Variants in PIBF1 observed in about 807,000 individuals in gnomAD.
The protein encoded by PIBF1 is progesterone-induced-blocking factor 1.
A neutral mutation model predicts 112.5 loss-of-function variants in PIBF1; 90 were observed. The observed-to-expected ratio is 0.80, with a 90% CI of 0.67 to 0.95. The LOEUF (loss-of-function observed/expected upper bound fraction) is 0.95, where lower values mean the gene tolerates loss of function less well. Ranked by LOEUF, PIBF1 falls within the 40% of genes least tolerant of loss-of-function variation. The probability of loss-of-function intolerance (pLI) is 0.00; values close to 1 mark genes in which losing one functional copy is unlikely to be tolerated. For missense variants in PIBF1, 915 were observed against 852.3 expected (o/e 1.07, Z -0.92); for synonymous variants, 301 against 288.6 (o/e 1.04, Z -0.44).
intron 14 of PIBF1, among the ~76,000 whole-genome samples, chr13:72,947,440 A>G (rs1421540487): frequency 1.3e-5 from 2 of 152,196 alleles, no homozygotes; most frequent in Admixed American, 6.5e-5. Flanking sequence ...GGTCTCTGAC[A>G]TACCCTGGAG....
intron 14 of PIBF1, among the ~76,000 whole-genome samples, chr13:72,957,799 CT>C (rs1162079078): frequency 2.0e-5 from 3 of 151,558 alleles, no homozygotes; most frequent in African/African-American, 7.3e-5. Flanking sequence ...AACTACAAAA[CT>C]TAGCTGAATG....
chr13:72,904,896 T>A (rs2138636952), intron 11 of PIBF1, among the ~76,000 whole-genome samples: 1 of 152,106 alleles, frequency 6.6e-6, no homozygotes, highest in African/African-American at 2.4e-5. Flanking sequence ...TTTGAAGAAA[T>A]ACACCATAAA....
In PIBF1 at chr13:72,835,240, C is replaced by T; in HGVS notation, c.1098-3C>T. 6.4e-7 allele frequency: 1 copy of T among 1,553,660 alleles called. No homozygotes were observed. The highest frequency in any genetic ancestry group is 8.6e-7 in the Non-Finnish European group (1 of 1,157,334). ...TATGGTTGTTCCTTTTCACTCCTTG[C>T]AGAGACCATTATAAAACAGAATATG... is the stretch of plus-strand genomic sequence containing the variant. On this transcript the variant is annotated splice_region_variant and splice_polypyrimidine_tract_variant and intron_variant, in intron 8 of 17. Transcript: ENST00000326291.
At position 72,967,981 on chromosome 13, in the gene PIBF1, C is replaced by T. The variant is rs866980554; in HGVS notation, c.1964+2577C>T. ...CGGGCGGATCACGAGGTCAGGAGATCGAGACCATCCTGGCTAACACGGTGA... is the reference window on the plus strand; with the variant it reads ...CGGGCGGATCACGAGGTCAGGAGATTGAGACCATCCTGGCTAACACGGTGA... On this transcript the variant is annotated intron_variant, in intron 15 of 17. Transcript: ENST00000326291. Among the ~76,000 whole-genome samples the T allele has an allele frequency of 2.0e-5, 3 of 151,928 alleles. No homozygotes were observed. The South Asian group carries it at 6.2e-4, about 32-fold the overall frequency.
chr13:72,792,416 TC>T, intron 2 of PIBF1, 30 bp from the exon 3 acceptor site: 1 of 1,264,634 alleles, frequency 7.9e-7, no homozygotes. Flanking sequence ...TTATGACAAA[TC>T]ATATAATTTA....
chr13:72,840,483 T>G (rs2037558839), intron 9 of PIBF1, among the ~76,000 whole-genome samples: 1 of 151,972 alleles, frequency 6.6e-6, no homozygotes, highest in Non-Finnish European at 1.5e-5. Context: ...TACTTACACT[T>G]GCATATTTAT....
chr13:72,786,040 C>T (rs763904246), intron 2 of PIBF1, among the ~76,000 whole-genome samples: 3 of 152,052 alleles, frequency 2.0e-5, no homozygotes, highest in Non-Finnish European at 2.9e-5. Flanking sequence ...GTTTTTATTC[C>T]GTGATTTCCT....
intron 5 of PIBF1, among the ~76,000 whole-genome samples, chr13:72,815,148 A>G (rs1415382432): frequency 6.6e-6 from 1 of 152,244 alleles, no homozygotes; most frequent in African/African-American, 2.4e-5. Context: ...TAAAACATTT[A>G]GGCCAATTTT....
intron 4 of PIBF1, among the ~76,000 whole-genome samples, chr13:72,796,150 G>C (rs1436763941): frequency 2.0e-5 from 3 of 152,066 alleles, no homozygotes; most frequent in Non-Finnish European, 4.4e-5. Context: ...ACAAGAATAA[G>C]CACACAATTC....
At chr13:72,909,332 G>A (rs1424027925) in intron 12 of PIBF1, among the ~76,000 whole-genome samples, 1 of 152,014 alleles carries the variant, frequency 6.6e-6, no homozygotes, top group Non-Finnish European at 1.5e-5. Flanking sequence ...ACTGAGAGAG[G>A]TGAACATAAT....
At chr13:72,901,028 A>G (rs1361465114) in intron 11 of PIBF1, 3 of 432,356 alleles carry the variant, frequency 6.9e-6, no homozygotes, top group Non-Finnish European at 1.4e-5. Flanking sequence ...GTCTCAAAAC[A>G]AAAAGCAAAA....
intron 9 of PIBF1, among the ~76,000 whole-genome samples, chr13:72,841,332 A>G (rs1428057423): frequency 1.3e-5 from 2 of 152,166 alleles, no homozygotes; most frequent in Non-Finnish European, 2.9e-5. Context: ...CCTCTTATGC[A>G]TTTGGAAATA....
intron 2 of PIBF1, among the ~76,000 whole-genome samples, chr13:72,786,583 A>C (rs191040880): frequency 3.9e-5 from 6 of 152,282 alleles, no homozygotes; most frequent in Admixed American, 3.3e-4. Flanking sequence ...TGCGTCTACC[A>C]GTCTTTCTAC....
At chr13:72,862,775 A>G (rs1470908345) in intron 10 of PIBF1, among the ~76,000 whole-genome samples, 4 of 152,194 alleles carry the variant, frequency 2.6e-5, no homozygotes, top group Non-Finnish European at 4.4e-5. Flanking sequence ...TGAAAAACCT[A>G]CTGGAAATTG....
At chr13:72,996,268 TAAAAA>T (rs374718365) in intron 16 of PIBF1, among the ~76,000 whole-genome samples, 41 of 130,888 alleles carry the variant, frequency 3.1e-4, no homozygotes, top group African/African-American at 1.1e-3. Flanking sequence ...TTCAATATAT[TAAAAA>T]AAAAAAAAAA....
intron 17 of PIBF1, among the ~76,000 whole-genome samples, chr13:73,012,481 T>C (rs941214218): frequency 2.0e-5 from 3 of 151,962 alleles, no homozygotes; most frequent in Non-Finnish European, 4.4e-5. Context: ...ATCCCAGCAC[T>C]TTGGGAGTGT....
In PIBF1 at chr13:72,971,185, A is replaced by AGTGTGTGT. The variant is rs771878197; in HGVS notation, c.1965-2393_1965-2386dup. On this transcript the variant is annotated intron_variant, in intron 15 of 17. Coordinates refer to ENST00000326291, the MANE Select transcript of PIBF1 (RefSeq NM_006346.4). ...CAGTTGGTATTTGAAACAGAGAGTG[A>AGTGTGTGT]GTGTGTGTGTGTGTGTGTGTATGTG... 6.7e-3 allele frequency among the ~76,000 whole-genome samples: 810 copies of AGTGTGTGT among 120,080 alleles called. 6 individuals are homozygous for AGTGTGTGT. Among genetic ancestry groups the AGTGTGTGT allele is most frequent in the Middle Eastern group, 0.031 (7 of 224 alleles). 78.8% of individuals were successfully genotyped at this position (120,080 alleles called of 152,430 possible).
chr13:72,846,532 A>C lies in PIBF1; in HGVS notation c.1224-7525A>C, dbSNP rs2037887463. On this transcript the variant is annotated intron_variant, in intron 9 of 17. Transcript: ENST00000326291. ...CCATCATTAAACTTAGTAAAACTTT[A>C]AATGATTACAGTGGCCTGTGATCCT... is the stretch of plus-strand genomic sequence containing the variant. Among the ~76,000 whole-genome samples the C allele has an allele frequency of 4.6e-5, 7 of 152,178 alleles. No homozygotes were observed. The South Asian group carries it at 1.4e-3, about 32-fold the overall frequency.
chr13:72,930,320 A>C (rs1258729037), intron 13 of PIBF1, among the ~76,000 whole-genome samples: 1 of 152,158 alleles, frequency 6.6e-6, no homozygotes, highest in Non-Finnish European at 1.5e-5. Flanking sequence ...TGGATTCTGC[A>C]ATTCACAGAT....
Sources: gnomAD v4.1 joint callset for allele counts (sites outside exome capture counted in the v4.1 genomes callset) on GRCh38, gnomAD v4.1.1 for gene constraint, MANE v1.5 for transcripts, NCBI Gene and HGNC (gene_info 2026-07-23, HGNC 2026-07-21) for gene names.